Variants in RIMS1 observed in about 807,000 individuals in gnomAD.
RIMS1 encodes the protein regulating synaptic membrane exocytosis 1.
RIMS1 carries 83 observed loss-of-function variants against 214.1 expected under a neutral mutation model. That is an observed-to-expected ratio of 0.39 (90% CI 0.32 to 0.47). RIMS1 has a LOEUF of 0.47. Ranked by LOEUF, RIMS1 falls within the 20% of genes least tolerant of loss-of-function variation. RIMS1 has a pLI of 0.99. For missense variants in RIMS1, 2,050 were observed against 2,161.8 expected (o/e 0.95, Z 1.03); for synonymous variants, 793 against 786.8 (o/e 1.01, Z -0.13).
At chr6:72,104,120 T>G (rs1262155646) in intron 4 of RIMS1, among the ~76,000 whole-genome samples, 1 of 152,154 alleles carries the variant, frequency 6.6e-6, no homozygotes, top group Non-Finnish European at 1.5e-5. Context: ...ACTCTGAAAT[T>G]TAAGATTACT....
chr6:71,909,665 T>C (rs1776314562), intron 1 of RIMS1, among the ~76,000 whole-genome samples: 1 of 152,250 alleles, frequency 6.6e-6, no homozygotes, highest in Non-Finnish European at 1.5e-5. Context: ...TATGTGATTC[T>C]GTAACTTACT....
chr6:71,965,176 T>A (rs951865162), intron 1 of RIMS1, among the ~76,000 whole-genome samples: 2 of 152,096 alleles, frequency 1.3e-5, no homozygotes, highest in Non-Finnish European at 2.9e-5. Context: ...AGAACAGAAA[T>A]GTAAATGTCC....
chr6:72,086,145 A>G (rs773305862), intron 2 of RIMS1, among the ~76,000 whole-genome samples: 1 of 152,126 alleles, frequency 6.6e-6, no homozygotes, highest in Non-Finnish European at 1.5e-5. Flanking sequence ...AAAGAAGAAA[A>G]CCTTGGTTTT....
intron 6 of RIMS1, among the ~76,000 whole-genome samples, chr6:72,196,377 GTCTA>G (rs3047577): frequency 0.27 from 39,190 of 143,110 alleles, 5,934 homozygotes; most frequent in East Asian, 0.52. Context: ...CTGTCTGTCT[GTCTA>G]TCTATCTATC....
Position 72,344,869 on chromosome 6 carries a change from T to G in RIMS1, c.4366+11034T>G, listed in dbSNP as rs568590445. Among the ~76,000 whole-genome samples the G allele has an allele frequency of 4.9e-4, 74 of 151,924 alleles. 1 individual carries two copies. Among genetic ancestry groups the G allele is most frequent in the African/African-American group, 1.7e-3 (72 of 41,540 alleles). ...ATAAATTTTACGTTTGGCTAAGATA[T>G]AGATATACTTTTAGGTTGGCTTGGC... On this transcript the variant is annotated intron_variant, in intron 29 of 33. Coordinates refer to ENST00000521978, the MANE Select transcript of RIMS1 (RefSeq NM_014989.7).
At chr6:71,888,350 G>A (rs1389840305) in intron 1 of RIMS1, among the ~76,000 whole-genome samples, 5 of 152,142 alleles carry the variant, frequency 3.3e-5, no homozygotes, top group South Asian at 4.1e-4. Context: ...AGGCTGGAAG[G>A]TGTATCTGGG....
At chr6:71,937,835 C>T (rs1784927094) in intron 1 of RIMS1, among the ~76,000 whole-genome samples, 1 of 152,176 alleles carries the variant, frequency 6.6e-6, no homozygotes, top group Non-Finnish European at 1.5e-5. Flanking sequence ...CCTGGGTCCC[C>T]TAAACTCATG....
chr6:72,066,694 ACCACTTTCCCGAGGTC>A (rs1829384961), intron 2 of RIMS1, among the ~76,000 whole-genome samples: 1 of 152,108 alleles, frequency 6.6e-6, no homozygotes, highest in East Asian at 1.9e-4. Flanking sequence ...TCTACCCCAA[ACCACTTTCCCGAGGTC>A]CCAATACTTG....
At chr6:71,913,141 G>A (rs1160099463) in intron 1 of RIMS1, among the ~76,000 whole-genome samples, 1 of 152,004 alleles carries the variant, frequency 6.6e-6, no homozygotes, top group Admixed American at 6.6e-5. Context: ...TTTCTATATT[G>A]TCTGTTTTTA....
intron 26 of RIMS1, among the ~76,000 whole-genome samples, chr6:72,301,721 A>T (rs552401111): frequency 6.6e-6 from 1 of 151,762 alleles, no homozygotes; most frequent in South Asian, 2.1e-4. Flanking sequence ...AGATGAAAGT[A>T]TATGAGATGA....
At position 72,008,494 on chromosome 6, in the gene RIMS1, G is replaced by T. The variant is rs1019692416; in HGVS notation, c.245+39431G>T. 1.0e-3 allele frequency among the ~76,000 whole-genome samples: 154 copies of T among 152,250 alleles called. 1 individual carries two copies. The highest frequency in any genetic ancestry group is 3.4e-3 in the Middle Eastern group (1 of 294). ...AACAATATTAACGTTCAATGTAAAT[G>T]GGCTAAATGCTCCAATTAAAAGACA... is the stretch of plus-strand genomic sequence containing the variant. On this transcript the variant is annotated intron_variant, in intron 2 of 33. Transcript: ENST00000521978.
At chr6:72,385,959 T>A (rs2098593967) in intron 29 of RIMS1, among the ~76,000 whole-genome samples, 1 of 152,176 alleles carries the variant, frequency 6.6e-6, no homozygotes, top group Non-Finnish European at 1.5e-5. Context: ...CAGTTAGATG[T>A]CAGTTCATCT....
intron 1 of RIMS1, among the ~76,000 whole-genome samples, chr6:71,915,170 C>A (rs992314495): frequency 3.0e-4 from 46 of 152,146 alleles, no homozygotes; most frequent in Non-Finnish European, 5.6e-4. Context: ...AAATCCTGTA[C>A]CCTTATATAT....
chr6:71,998,123 A>G (rs149604436), intron 2 of RIMS1, among the ~76,000 whole-genome samples: 13 of 152,234 alleles, frequency 8.5e-5, no homozygotes, highest in African/African-American at 3.1e-4. Flanking sequence ...TCTCCCTTTC[A>G]ATATGGTATT....
chr6:72,041,953 C>T (rs1343707534), intron 2 of RIMS1, among the ~76,000 whole-genome samples: 1 of 151,844 alleles, frequency 6.6e-6, no homozygotes, highest in African/African-American at 2.4e-5. Flanking sequence ...TGACCTAACG[C>T]CAGACTCCAA....
chr6:72,106,019 C>T (rs2034663897), intron 4 of RIMS1, among the ~76,000 whole-genome samples: 1 of 152,048 alleles, frequency 6.6e-6, no homozygotes, highest in South Asian at 2.1e-4. Flanking sequence ...AGCTTGTAAC[C>T]ATAACATGAA....
intron 29 of RIMS1, among the ~76,000 whole-genome samples, chr6:72,357,800 CCA>C (rs1341204188): frequency 2.6e-5 from 4 of 152,142 alleles, no homozygotes; most frequent in Admixed American, 2.6e-4. Context: ...AGTCATAATT[CCA>C]CTCTGAAATT....
At chr6:72,132,984 CTA>C (rs1374825618) in intron 4 of RIMS1, among the ~76,000 whole-genome samples, 2 of 151,978 alleles carry the variant, frequency 1.3e-5, no homozygotes, top group Non-Finnish European at 2.9e-5. Flanking sequence ...AACCCTATTA[CTA>C]TCTAGTCATG....
At chr6:72,130,145 G>T (rs2040220053) in intron 4 of RIMS1, among the ~76,000 whole-genome samples, 1 of 152,064 alleles carries the variant, frequency 6.6e-6, no homozygotes, top group South Asian at 2.1e-4. Flanking sequence ...CTATTTTGAA[G>T]TTGAAATTAT....
Sources: allele counts gnomAD v4.1 joint callset (sites outside exome capture counted in the v4.1 genomes callset), GRCh38; gene constraint gnomAD v4.1.1; transcripts MANE v1.5; gene names NCBI Gene and HGNC (gene_info 2026-07-23, HGNC 2026-07-21).